CD300A: variants seen among roughly 807,000 people sequenced by gnomAD.
The protein encoded by CD300A is CMRF35-like molecule 8.
CD300A carries 22 observed loss-of-function variants against 33.6 expected under a neutral mutation model. That is an observed-to-expected ratio of 0.66 (90% CI 0.47 to 0.94). The LOEUF is 0.94. CD300A is among the 40% of genes least tolerant of loss of function. CD300A has a pLI of 0.00. For synonymous variants in CD300A, 136 were observed against 148.1 expected, an observed-to-expected ratio of 0.92 and a Z score of 0.59; for missense variants, 326 against 360.5, an observed-to-expected ratio of 0.90 and a Z score of 0.77.
intron 1 of CD300A, 44 bp downstream of exon 1, chr17:74,466,787 G>A (rs1461989267): frequency 6.4e-7 from 1 of 1,564,558 alleles, no homozygotes; most frequent in South Asian, 1.2e-5. Context: ...AGGGAGGGAG[G>A]GTGCGAGGGG....
chr17:74,479,649 C>T (rs975967485), intron 4 of CD300A, among the ~76,000 whole-genome samples: 3 of 152,150 alleles, frequency 2.0e-5, no homozygotes, highest in African/African-American at 7.2e-5. Context: ...AAATCACAGA[C>T]GCAGAGTTTA....
intron 3 of CD300A, among the ~76,000 whole-genome samples, chr17:74,475,059 A>G (rs968762844): frequency 6.6e-6 from 1 of 152,176 alleles, no homozygotes; most frequent in Admixed American, 6.5e-5. Context: ...CCGAGACTGG[A>G]TAAATTATAA....
chr17:74,483,636 C>T (rs549258474), intron 6 of CD300A, among the ~76,000 whole-genome samples: 1 of 152,178 alleles, frequency 6.6e-6, no homozygotes, highest in Non-Finnish European at 1.5e-5. Flanking sequence ...GGATTAAGGG[C>T]GTGAGCCACT....
Position 74,469,884 on chromosome 17 carries a change from T to C in CD300A, c.40+3141T>C, listed in dbSNP as rs139784446. On this transcript the variant is annotated intron_variant, in intron 1 of 6. Coordinates refer to ENST00000360141, the MANE Select transcript of CD300A (RefSeq NM_007261.4). ...CCTTACAAAAAAATCCATTTATTAATGTATATACTAACTCCACTGTTTTTC... is the reference window on the plus strand; with the variant it reads ...CCTTACAAAAAAATCCATTTATTAACGTATATACTAACTCCACTGTTTTTC... The C allele has an allele frequency of 1.1e-5, 9 of 796,346 alleles. No individual in the cohort carries two copies. The African/African-American group carries it at 1.7e-4, about 15-fold the overall frequency. 49.3% of individuals were successfully genotyped at this position (796,346 alleles called of 1,614,324 possible). A position where few individuals can be genotyped will look rare whatever the true frequency, so the allele number is the denominator to read the frequency against.
chr17:74,476,036 A>C (rs1392971230), intron 3 of CD300A, among the ~76,000 whole-genome samples: 1 of 152,140 alleles, frequency 6.6e-6, no homozygotes, highest in African/African-American at 2.4e-5. Flanking sequence ...GCGGCACCTC[A>C]ATATATTTAT....
At chr17:74,466,811 C>T in intron 1 of CD300A, 68 bp downstream of exon 1, 3 of 1,552,356 alleles carry the variant, frequency 1.9e-6, no homozygotes, top group Non-Finnish European at 2.6e-6. Flanking sequence ...GGCCGCAGGG[C>T]AGGTATCACA....
chr17:74,482,936 C>A (rs1347435091), intron 6 of CD300A, among the ~76,000 whole-genome samples: 1 of 151,792 alleles, frequency 6.6e-6, no homozygotes, highest in Admixed American at 6.6e-5. Context: ...TCTCGGACTC[C>A]TGACCTCAAG....
rs762541338 is a variant in CD300A at position 74,484,124 on chromosome 17, T to C, written c.898T>C (p.Ter300GlnextTer36). 3.1e-6 allele frequency: 5 copies of C among 1,613,474 alleles called. No homozygotes were observed. The highest frequency in any genetic ancestry group is 1.7e-5 in the Admixed American group (1 of 60,012). ...AGATTACAGTGTGATAAGGAAGACA[T>C]AGGCTTTTGTCCTGCCTCGCCATCG... The part of the protein sequence containing the change: ...DSDYSVIRKT[*>Q] The change falls in exon 7 of 7, where the codon TAG becomes CAG. Residue 300 changes from the stop codon to glutamine, a stop_lost. Coordinates refer to ENST00000360141, the MANE Select transcript of CD300A (RefSeq NM_007261.4).
chr17:74,467,751 A>G (rs1335174034), intron 1 of CD300A, among the ~76,000 whole-genome samples: 3 of 152,254 alleles, frequency 2.0e-5, no homozygotes, highest in African/African-American at 4.8e-5. Context: ...TCATCCTCCC[A>G]TAACAGGTGC....
At position 74,481,835 on chromosome 17, in the gene CD300A, T is replaced by C; in HGVS notation, c.774+2T>C. On this transcript the variant is annotated splice_donor_variant, in intron 6 of 6. Transcript: ENST00000360141. LOFTEE classifies it high-confidence loss of function. ...GTGGAGGTGGAATACAGCACTGTGG[T>C]AAGTGCAGGAGCCCGGCTTTTGGGC... 4.4e-6 allele frequency: 7 copies of C among 1,605,234 alleles called. No homozygotes were observed. Among genetic ancestry groups the C allele is most frequent in the Non-Finnish European group, 6.0e-6 (7 of 1,175,302 alleles).
At chr17:74,482,697 C>CCTTTCTTT (rs146984765) in intron 6 of CD300A, among the ~76,000 whole-genome samples, 1,624 of 130,216 alleles carry the variant, frequency 0.012, 29 homozygotes, top group Non-Finnish European at 0.016. Flanking sequence ...TTCCTTCCTT[C>CCTTTCTTT]CTTTCTTTCT....
rs1185821760 is a variant in CD300A, at chr17:74,466,826, ACGCCC to A, written c.40+86_40+90del. The A allele has an allele frequency of 1.9e-5, 30 of 1,548,200 alleles. No homozygotes were observed. The African/African-American group carries it at 3.8e-4, about 20-fold the overall frequency. On this transcript the variant is annotated intron_variant, in intron 1 of 6. Coordinates refer to ENST00000360141, the MANE Select transcript of CD300A (RefSeq NM_007261.4). ...GGCCGCAGGGCAGGTATCACACGAGACGCCCCGAGTCTGGACTCCGTGCAGAACGC... is the reference window on the plus strand; with the variant it reads ...GGCCGCAGGGCAGGTATCACACGAGACGAGTCTGGACTCCGTGCAGAACGC...
rs552546226 is a variant in CD300A, at chr17:74,472,152, C to T, written c.41-1384C>T. 9.9e-5 allele frequency among the ~76,000 whole-genome samples: 15 copies of T among 151,558 alleles called. No homozygotes were observed. The South Asian group carries it at 2.5e-3, about 25-fold the overall frequency. On this transcript the variant is annotated intron_variant, in intron 1 of 6. Transcript: ENST00000360141. Reference sequence around the variant, plus strand: ...ACTCGGTAGGCTGAGGCAGGAGAATCGCTTGAACCCGGGAGGCAGAGGTTG... The same window carrying T: ...ACTCGGTAGGCTGAGGCAGGAGAATTGCTTGAACCCGGGAGGCAGAGGTTG...
chr17:74,466,801 G>T, intron 1 of CD300A, 58 bp downstream of exon 1: 2 of 1,556,058 alleles, frequency 1.3e-6, no homozygotes, highest in Non-Finnish European at 1.7e-6. Flanking sequence ...CGAGGGGCAG[G>T]GCCGCAGGGC....
rs759313625 is a variant in CD300A at position 74,473,863 on chromosome 17, C to T, written c.368C>T (p.Ser123Phe). 1.9e-6 allele frequency: 3 copies of T among 1,609,720 alleles called. No individual in the cohort carries two copies. Among genetic ancestry groups the T allele is most frequent in the South Asian group, 2.2e-5 (2 of 91,030 alleles). ...GATCCCGTTGTCGAGGTTGAGGTGTCCGTGTTCCCGGGTGAGCCCCTCCTT... is the reference window on the plus strand; with the variant it reads ...GATCCCGTTGTCGAGGTTGAGGTGTTCGTGTTCCCGGGTGAGCCCCTCCTT... ...FHDPVVEVEV[S>F]VFPASTSMTP... The change falls in exon 2 of 7, where the codon TCC (serine) becomes TTC (phenylalanine). Residue 123 changes from serine to phenylalanine, a missense_variant. By Grantham distance (155) the Ser-to-Phe change is radical (BLOSUM62 -2). Coordinates refer to ENST00000360141, the MANE Select transcript of CD300A (RefSeq NM_007261.4).
At chr17:74,476,352 C>T (rs61108724) in intron 3 of CD300A, among the ~76,000 whole-genome samples, 5,443 of 152,268 alleles carry the variant, frequency 0.036, 131 homozygotes, top group East Asian at 0.094. Context: ...AGATTCTTTA[C>T]TGGACAACAT....
upstream of CD300A, chr17:74,466,596 G>A (rs1905719025): frequency 1.6e-6 from 2 of 1,260,948 alleles, no homozygotes; most frequent in African/African-American, 1.5e-5. Flanking sequence ...AGGAAGCAGC[G>A]CGGCACCAAG....
chr17:74,466,992 G>A, intron 1 of CD300A: 1 of 1,398,544 alleles, frequency 7.2e-7, no homozygotes. Flanking sequence ...AAGTGATAAG[G>A]GGTGGGTGCA....
chr17:74,466,595 C>T (rs528528589), upstream of CD300A: 1,417 of 1,253,958 alleles, frequency 1.1e-3, 2 homozygotes, highest in Non-Finnish European at 1.2e-3. Context: ...AAGGAAGCAG[C>T]GCGGCACCAA....
Sources: allele counts gnomAD v4.1 joint callset (sites outside exome capture counted in the v4.1 genomes callset), GRCh38; gene constraint gnomAD v4.1.1; transcripts MANE v1.5; gene names NCBI Gene and HGNC (gene_info 2026-07-23, HGNC 2026-07-21).